Variants in FAM86B2 observed in about 807,000 individuals in gnomAD.
FAM86B2 encodes family with sequence similarity 86 member B2, also known as putative protein N-methyltransferase FAM86B2.
FAM86B2 carries 1 observed loss-of-function variant against 26.5 expected under a neutral mutation model. That is an observed-to-expected ratio of 0.04 (90% CI 0.01 to 0.18). The LOEUF (loss-of-function observed/expected upper bound fraction) is 0.18, where lower values mean the gene tolerates loss of function less well. Ranked by LOEUF, FAM86B2 falls within the 10% of genes least tolerant of loss-of-function variation. FAM86B2 has a pLI of 1.00. For synonymous variants in FAM86B2, 11 were observed against 127.8 expected (o/e 0.09, Z 6.17); for missense variants, 43 against 303.5 (o/e 0.14, Z 6.38).
intron 6 of FAM86B2, among the ~76,000 whole-genome samples, chr8:12,428,186 T>G (rs1321892679): frequency 2.9e-5 from 4 of 135,808 alleles, no homozygotes; most frequent in African/African-American, 5.3e-5. Context: ...TGGCCACCGC[T>G]GGACCTGTGG....
chr8:12,431,535 TATAAATAAATAA>T (rs370935123), intron 3 of FAM86B2, among the ~76,000 whole-genome samples: 616 of 55,994 alleles, frequency 0.011, no homozygotes, highest in African/African-American at 0.023. Context: ...AAAAAAAATA[TATAAATAAATAA>T]ATAAATAAAT....
chr8:12,426,370 T>A lies in FAM86B2; in HGVS notation c.893-381A>T, dbSNP rs1182975626. On this transcript the variant is annotated intron_variant, in intron 7 of 7. Transcript: ENST00000262365. ...CTCTGTCTCAAAAAAAAAAAAAGGT[T>A]GGTTGAGGCTTATACTATGTGTGCT... 2.6e-4 allele frequency among the ~76,000 whole-genome samples: 38 copies of A among 146,726 alleles called. 3 individuals carry two copies. Among genetic ancestry groups the A allele is most frequent in the African/African-American group, 8.2e-4 (32 of 38,990 alleles).
intron 1 of FAM86B2, among the ~76,000 whole-genome samples, chr8:12,435,356 T>C (rs1299631191): frequency 9.6e-6 from 1 of 104,622 alleles, no homozygotes; most frequent in Non-Finnish European, 2.0e-5. Flanking sequence ...AGTACCCACC[T>C]GGTGGGTGTT....
At position 12,426,344 on chromosome 8, in the gene FAM86B2, A is replaced by T. The variant is rs1209718253; in HGVS notation, c.893-355T>A. Among the ~76,000 whole-genome samples the T allele has an allele frequency of 3.5e-5, 5 of 141,740 alleles. No individual in the cohort carries two copies. The East Asian group carries it at 1.0e-3, about 29-fold the overall frequency. The allele number at this position is 141,740 out of a possible 152,430, so 93.0% of individuals were successfully genotyped here. A position where few individuals can be genotyped will look rare whatever the true frequency, so the allele number is the denominator to read the frequency against. The stretch of plus-strand genomic sequence containing the variant: ...TTAGAAAGTGGCCGGGCACAGCCAG[A>T]CTCTGTCTCAAAAAAAAAAAAAGGT... On this transcript the variant is annotated intron_variant, in intron 7 of 7. Transcript: ENST00000262365.
intron 2 of FAM86B2, 126 bp downstream of exon 2, chr8:12,433,926 A>C (rs1331075981): frequency 1.6e-6 from 1 of 614,984 alleles, no homozygotes; most frequent in African/African-American, 1.9e-5. Flanking sequence ...GTGCTGACTC[A>C]ATGGTTTTGT....
At chr8:12,428,320 C>T (rs3988755) in intron 6 of FAM86B2, among the ~76,000 whole-genome samples, 126 of 150,090 alleles carry the variant, frequency 8.4e-4, no homozygotes, top group African/African-American at 2.6e-3. Flanking sequence ...CTCAAGGGCC[C>T]TGACCTCGTA....
intron 7 of FAM86B2, among the ~76,000 whole-genome samples, chr8:12,426,349 G>C (rs1315946596): frequency 8.8e-5 from 12 of 136,162 alleles, no homozygotes; most frequent in African/African-American, 3.5e-4. Context: ...GCCAGACTCT[G>C]TCTCAAAAAA....
intron 2 of FAM86B2, chr8:12,432,553 TGG>T: frequency 3.0e-6 from 1 of 338,108 alleles, no homozygotes; most frequent in Non-Finnish European, 3.6e-6. Context: ...CGTGTGTCCC[TGG>T]GGACAGGATG....
chr8:12,435,465 G>C (rs1798590235), intron 1 of FAM86B2, among the ~76,000 whole-genome samples: 1 of 127,410 alleles, frequency 7.8e-6, no homozygotes, highest in Admixed American at 7.8e-5. Context: ...TTCTATTTTG[G>C]GTTAAAAATG....
intron 4 of FAM86B2, 129 bp from the exon 5 acceptor site, chr8:12,429,243 A>G (rs1440271387): frequency 7.7e-6 from 1 of 129,694 alleles, no homozygotes; most frequent in Non-Finnish European, 1.3e-5. Flanking sequence ...AATGAGAAGC[A>G]GCTAACTGTT....
At chr8:12,428,470 C>G (rs1011389347) in intron 6 of FAM86B2, among the ~76,000 whole-genome samples, 163 bp downstream of exon 6, 2 of 152,104 alleles carry the variant, frequency 1.3e-5, no homozygotes. Context: ...CCTTAAGAGG[C>G]ACCCCTGTCC....
chr8:12,428,015 GA>G (rs1433252973), intron 6 of FAM86B2, among the ~76,000 whole-genome samples: 1 of 59,272 alleles, frequency 1.7e-5, no homozygotes, highest in Non-Finnish European at 3.4e-5. Flanking sequence ...CGAAGCAAAA[GA>G]AAAAAATCTC....
At chr8:12,435,498 A>G (rs1385100561) in intron 1 of FAM86B2, among the ~76,000 whole-genome samples, 1 of 134,032 alleles carries the variant, frequency 7.5e-6, no homozygotes, top group Admixed American at 7.3e-5. Flanking sequence ...CTGACCAGAA[A>G]TGATCTCTGA....
At chr8:12,426,433 GT>G (rs1339110091) in intron 7 of FAM86B2, among the ~76,000 whole-genome samples, 1 of 105,374 alleles carries the variant, frequency 9.5e-6, no homozygotes, top group South Asian at 3.1e-4. Flanking sequence ...GATATTGCAG[GT>G]TTTTTTTCAC....
chr8:12,424,881 CAA>C lies in FAM86B2; in HGVS notation c.*1006_*1007del. On this transcript the variant is annotated 3_prime_UTR_variant, in exon 8 of 8. Coordinates refer to ENST00000262365, the MANE Select transcript of FAM86B2 (RefSeq NM_001137610.3). ...TTTAGCATTTTGCAGATGCTTTTCT[CAA>C]ACTTTTCTGATCCTGCAGGCAAGCT... The C allele has an allele frequency of 6.5e-7, 1 of 1,539,790 alleles. No individual in the cohort carries two copies. The highest frequency in any genetic ancestry group is 2.4e-5 in the East Asian group (1 of 42,372).
chr8:12,435,808 C>T lies in FAM86B2; in HGVS notation c.96+440G>A, dbSNP rs1250722350. On this transcript the variant is annotated intron_variant, in intron 1 of 7. Transcript: ENST00000262365. ...GCATGAGCCGATTCTGTGCAGTGCT[C>T]GACATACAGATGAGAACACTGAGGC... Among the ~76,000 whole-genome samples the T allele has an allele frequency of 2.1e-5, 3 of 139,956 alleles. 1 individual carries two copies. The highest frequency in any genetic ancestry group is 7.8e-5 in the African/African-American group (3 of 38,292). 91.8% of individuals were successfully genotyped at this position (139,956 alleles called of 152,430 possible).
intron 4 of FAM86B2, among the ~76,000 whole-genome samples, chr8:12,429,786 C>T (rs1469927773): frequency 9.5e-5 from 1 of 10,542 alleles, no homozygotes; most frequent in Non-Finnish European, 1.7e-4. Flanking sequence ...TACAGGCGCC[C>T]ACTACCACAC....
In FAM86B2 at chr8:12,424,709, G is replaced by T. The variant is rs1220726826; in HGVS notation, c.*1180C>A. Reference sequence around the variant, plus strand: ...CAGAAAGCATGATGTCAAGTTGGAGGTGGAGCGCTGCTGGGTTGTGAAGGG... The same window carrying T: ...CAGAAAGCATGATGTCAAGTTGGAGTTGGAGCGCTGCTGGGTTGTGAAGGG... On this transcript the variant is annotated 3_prime_UTR_variant, in exon 8 of 8. Coordinates refer to ENST00000262365, the MANE Select transcript of FAM86B2 (RefSeq NM_001137610.3). Among the ~76,000 whole-genome samples the T allele has an allele frequency of 3.1e-5, 4 of 127,600 alleles. No homozygotes were observed. In the Admixed American group the frequency reaches 3.6e-4, roughly 11 times the overall value. 83.7% of individuals were successfully genotyped at this position (127,600 alleles called of 152,430 possible).
At chr8:12,435,836 GAGGGAC>G (rs1208544842) in intron 1 of FAM86B2, among the ~76,000 whole-genome samples, 1 of 140,122 alleles carries the variant, frequency 7.1e-6, no homozygotes, top group East Asian at 2.0e-4. Flanking sequence ...ACTGAGGCAC[GAGGGAC>G]AGCCTGTGAC....
Sources: gnomAD v4.1 joint callset for allele counts (sites outside exome capture counted in the v4.1 genomes callset) on GRCh38, gnomAD v4.1.1 for gene constraint, MANE v1.5 for transcripts, NCBI Gene and HGNC (gene_info 2026-07-23, HGNC 2026-07-21) for gene names.